Variants in CNIH3 observed in about 807,000 individuals in gnomAD.
CNIH3 encodes the protein cornichon family AMPA receptor auxiliary protein 3.
Under a neutral mutation model 24.1 loss-of-function variants are expected in CNIH3, and 14 were observed. The ratio of observed to expected loss-of-function variants is 0.58; its 90% CI spans 0.38 to 0.91. The LOEUF (loss-of-function observed/expected upper bound fraction) is 0.91. Ranked by LOEUF, CNIH3 falls within the 40% of genes least tolerant of loss-of-function variation. The pLI is 0.00. For synonymous variants in CNIH3, 68 were observed against 73.8 expected (o/e 0.92, Z 0.40); for missense variants, 178 against 196.8 (o/e 0.90, Z 0.57).
intron 3 of CNIH3, among the ~76,000 whole-genome samples, chr1:224,563,718 T>C (rs1441623482): frequency 6.6e-6 from 1 of 152,184 alleles, no homozygotes; most frequent in Admixed American, 6.5e-5. Flanking sequence ...AGCTAGACTT[T>C]GAAGCTCCTT....
At chr1:224,668,534 A>T (rs926721525) in intron 1 of CNIH3, among the ~76,000 whole-genome samples, 3 of 152,156 alleles carry the variant, frequency 2.0e-5, no homozygotes, top group East Asian at 1.9e-4. Context: ...TTCTTGGAAG[A>T]TACTTTGGGG....
chr1:224,620,028 G>A (rs1273138866), intron 1 of CNIH3, among the ~76,000 whole-genome samples: 5 of 152,340 alleles, frequency 3.3e-5, no homozygotes, highest in Middle Eastern at 6.8e-3. Context: ...CTGGGAGCAA[G>A]GATGGATGTG....
chr1:224,641,712 G>A (rs535737668), intron 1 of CNIH3, among the ~76,000 whole-genome samples: 2 of 152,292 alleles, frequency 1.3e-5, no homozygotes, highest in East Asian at 1.9e-4. Flanking sequence ...AAGGAAGATC[G>A]GCCAACTCTC....
intron 3 of CNIH3, among the ~76,000 whole-genome samples, chr1:224,609,701 G>T (rs1682595691): frequency 6.6e-6 from 1 of 152,158 alleles, no homozygotes; most frequent in South Asian, 2.1e-4. Flanking sequence ...ATTTTCCTGT[G>T]GGCAGAACAG....
intron 3 of CNIH3, among the ~76,000 whole-genome samples, chr1:224,562,851 A>G (rs1680428637): frequency 6.6e-6 from 1 of 152,168 alleles, no homozygotes; most frequent in African/African-American, 2.4e-5. Flanking sequence ...CGCAGTTCCT[A>G]ACAGGCCACA....
At chr1:224,680,139 G>C (rs1686331473) in intron 1 of CNIH3, among the ~76,000 whole-genome samples, 1 of 152,132 alleles carries the variant, frequency 6.6e-6, no homozygotes, top group Non-Finnish European at 1.5e-5. Context: ...GAGCACCCAA[G>C]GCTTCCACAC....
chr1:224,715,815 C>T (rs1019045534), intron 3 of CNIH3, among the ~76,000 whole-genome samples: 5 of 152,080 alleles, frequency 3.3e-5, no homozygotes, highest in African/African-American at 7.2e-5. Context: ...ATGAGGGATC[C>T]GCTCCCATGA....
At chr1:224,669,535 C>G (rs533163834) in intron 1 of CNIH3, among the ~76,000 whole-genome samples, 1 of 152,218 alleles carries the variant, frequency 6.6e-6, no homozygotes, top group East Asian at 1.9e-4. Context: ...CCTACACCCT[C>G]TACCCCAGCT....
intron 1 of CNIH3, among the ~76,000 whole-genome samples, chr1:224,625,285 C>T (rs1230923546): frequency 6.6e-6 from 1 of 152,094 alleles, no homozygotes; most frequent in Non-Finnish European, 1.5e-5. Context: ...CGTGGTGGCT[C>T]ACGCCTGTAA....
intron 3 of CNIH3, among the ~76,000 whole-genome samples, chr1:224,701,060 T>C (rs995281659): frequency 2.0e-5 from 3 of 152,128 alleles, no homozygotes; most frequent in Non-Finnish European, 4.4e-5. Flanking sequence ...ATGCTGGGGC[T>C]GAAGGAAGTG....
At chr1:224,720,627 C>T (rs1455680373) in intron 3 of CNIH3, among the ~76,000 whole-genome samples, 2 of 152,082 alleles carry the variant, frequency 1.3e-5, no homozygotes, top group Non-Finnish European at 2.9e-5. Flanking sequence ...GGGCTGATGT[C>T]GAGGCTCATT....
chr1:224,577,716 G>A, intron 4 of CNIH3, among the ~76,000 whole-genome samples: 1 of 152,102 alleles, frequency 6.6e-6, no homozygotes, highest in Non-Finnish European at 1.5e-5. Flanking sequence ...CCACTACTGG[G>A]TATCTACCCA....
At chr1:224,690,417 T>C (rs1686874421) in intron 3 of CNIH3, among the ~76,000 whole-genome samples, 1 of 152,126 alleles carries the variant, frequency 6.6e-6, no homozygotes, top group African/African-American at 2.4e-5. Flanking sequence ...GCCAGGCTGG[T>C]CTCGAACTCC....
At chr1:224,686,706 C>T (rs909762016) in intron 3 of CNIH3, among the ~76,000 whole-genome samples, 2 of 152,234 alleles carry the variant, frequency 1.3e-5, no homozygotes, top group African/African-American at 4.8e-5. Flanking sequence ...TGTTCCATAT[C>T]CATCACCTTT....
chr1:224,508,978 A>G (rs934016303), intron 1 of CNIH3, among the ~76,000 whole-genome samples: 13 of 152,198 alleles, frequency 8.5e-5, no homozygotes, highest in Admixed American at 2.0e-4. Flanking sequence ...ATTAGATACT[A>G]AAAGAGAGAA....
Position 224,681,000 on chromosome 1 carries a change from A to C in CNIH3, c.124A>C (p.Ile42Leu). Residue 42 changes from isoleucine (I) to leucine (L), a missense_variant, in exon 2 of 6, where the codon ATA becomes CTA. By Grantham distance (5) the Ile-to-Leu change is conservative. Transcript: ENST00000272133. ...GTTAAGGACAGATTTTAAGAGCCCC[A>C]TAGACCAGTGCAATCCTGTTCATGC... ...DELRTDFKSP[I>L]DQCNPVHARE... is the part of the protein sequence containing the mutation. 6.2e-7 allele frequency: 1 copy of C among 1,614,162 alleles called. No homozygotes were observed. The highest frequency in any genetic ancestry group is 8.5e-7 in the Non-Finnish European group (1 of 1,179,984).
intron 1 of CNIH3, among the ~76,000 whole-genome samples, chr1:224,497,060 C>G (rs1197323487): frequency 6.6e-6 from 1 of 152,196 alleles, no homozygotes; most frequent in Admixed American, 6.5e-5. Flanking sequence ...GAATGAAGTA[C>G]TATTATATGC....
chr1:224,602,736 AC>A (rs979605800), intron 3 of CNIH3, among the ~76,000 whole-genome samples: 4 of 152,360 alleles, frequency 2.6e-5, no homozygotes, highest in African/African-American at 7.2e-5. Flanking sequence ...AGAGTCTTCA[AC>A]AAAAACCAGT....
chr1:224,609,496 G>C (rs952903422), intron 3 of CNIH3, among the ~76,000 whole-genome samples: 1 of 152,122 alleles, frequency 6.6e-6, no homozygotes, highest in Admixed American at 6.5e-5. Flanking sequence ...TGAGAACTTG[G>C]TGAGCTGGAT....
Sources: allele counts gnomAD v4.1 joint callset (sites outside exome capture counted in the v4.1 genomes callset), GRCh38; gene constraint gnomAD v4.1.1; transcripts MANE v1.5; gene names NCBI Gene and HGNC (gene_info 2026-07-23, HGNC 2026-07-21).